The following SLC51A variants were observed in gnomAD, a reference collection of about 807,000 sequenced individuals.
The protein encoded by SLC51A is organic solute transporter subunit alpha.
SLC51A carries 22 observed loss-of-function variants against 34.8 expected under a neutral mutation model. The ratio of observed to expected loss-of-function variants is 0.63; its 90% CI spans 0.45 to 0.90. SLC51A has a LOEUF of 0.90. Among genes scored for constraint, SLC51A ranks in the 40% least tolerant of loss-of-function variants. The pLI is 0.00. For missense variants in SLC51A, 371 were observed against 414.8 expected, an observed-to-expected ratio of 0.89 and a Z score of 0.92; for synonymous variants, 181 against 176.3, an observed-to-expected ratio of 1.03 and a Z score of -0.21.
intron 8 of SLC51A, 153 bp from the exon 9 acceptor site, chr3:196,232,910 C>T: frequency 1.3e-6 from 1 of 778,916 alleles, no homozygotes; most frequent in Non-Finnish European, 2.1e-6. Flanking sequence ...TACCATTAAC[C>T]CGCTGTGTTA....
intron 2 of SLC51A, among the ~76,000 whole-genome samples, chr3:196,220,521 C>T (rs765678038): frequency 4.6e-5 from 7 of 151,538 alleles, no homozygotes; most frequent in Non-Finnish European, 8.8e-5. Context: ...CGCTTGAACC[C>T]GGGAGGCAGA....
At chr3:196,227,556 C>T (rs367603245) in intron 3 of SLC51A, 108 bp from the exon 4 acceptor site, 17 of 912,666 alleles carry the variant, frequency 1.9e-5, no homozygotes, top group African/African-American at 1.5e-4. Context: ...GTTTAAGGAA[C>T]GCTGCCTCGA....
chr3:196,231,156 T>C (rs1261598687), intron 7 of SLC51A, among the ~76,000 whole-genome samples: 2 of 152,224 alleles, frequency 1.3e-5, no homozygotes, highest in African/African-American at 2.4e-5. Flanking sequence ...TTTCCCATTT[T>C]ACAAAGGAAG....
intron 2 of SLC51A, among the ~76,000 whole-genome samples, 196 bp downstream of exon 2, chr3:196,218,132 G>C (rs1472318754): frequency 6.6e-6 from 1 of 152,222 alleles, no homozygotes; most frequent in East Asian, 1.9e-4. Flanking sequence ...GGTAGCATGA[G>C]AGCCTGGCTC....
chr3:196,222,989 C>T (rs980584735), intron 2 of SLC51A, among the ~76,000 whole-genome samples: 2 of 151,806 alleles, frequency 1.3e-5, no homozygotes, highest in Non-Finnish European at 2.9e-5. Flanking sequence ...TTGTGTTGAA[C>T]AGTCAGAATC....
At chr3:196,231,159 A>G (rs1724021670) in intron 7 of SLC51A, among the ~76,000 whole-genome samples, 1 of 152,082 alleles carries the variant, frequency 6.6e-6, no homozygotes, top group Admixed American at 6.5e-5. Flanking sequence ...CCCATTTTAC[A>G]AAGGAAGAAA....
In SLC51A at chr3:196,216,896, T is replaced by TCAGGGA. The variant is rs200076878; in HGVS notation, c.38+149_38+154dup. Reference sequence around the variant, plus strand: ...AAATGCTCTAGCTGTTCCTAGGTCCTCAGGGACAACGTGGGTTTGGGCCAG... The same window carrying TCAGGGA: ...AAATGCTCTAGCTGTTCCTAGGTCCTCAGGGACAGGGACAACGTGGGTTTGGGCCAG... On this transcript the variant is annotated intron_variant, in intron 1 of 8. Coordinates refer to ENST00000296327, the MANE Select transcript of SLC51A (RefSeq NM_152672.6). This position sits in a 1 kb window ranked among gnomAD's most constrained non-coding sequence, Gnocchi z 4.5. 2.1e-3 allele frequency: 1,979 copies of TCAGGGA among 928,630 alleles called. 36 individuals are homozygous for TCAGGGA. The African/African-American group carries it at 0.03, about 14-fold the overall frequency. 57.5% of individuals were successfully genotyped at this position (928,630 alleles called of 1,614,324 possible). A position where few individuals can be genotyped will look rare whatever the true frequency, so the allele number is the denominator to read the frequency against.
intron 2 of SLC51A, among the ~76,000 whole-genome samples, chr3:196,221,951 C>A (rs1446578912): frequency 6.6e-6 from 1 of 151,942 alleles, no homozygotes; most frequent in Non-Finnish European, 1.5e-5. Flanking sequence ...ATCTCCTGAC[C>A]TCGTGATCCG....
chr3:196,217,357 G>A (rs1417925742), intron 1 of SLC51A, among the ~76,000 whole-genome samples: 2 of 152,256 alleles, frequency 1.3e-5, no homozygotes, highest in South Asian at 2.1e-4. Flanking sequence ...GCAACATGGC[G>A]AAATCCTGTC....
Position 196,216,542 on chromosome 3 carries a change from A to C in SLC51A, c.-171A>C. 2.8e-6 allele frequency: 2 copies of C among 726,746 alleles called. No homozygotes were observed. Among genetic ancestry groups the C allele is most frequent in the Non-Finnish European group, 4.8e-6 (2 of 413,530 alleles). The allele number at this position is 726,746 out of a possible 1,614,324, so 45.0% of individuals were successfully genotyped here. ...CCTCCGGGGTGAACTCTGAGATAGAAAGTTGGCCCGGGAAGCTCAAGGAGG... is the reference window on the plus strand; with the variant it reads ...CCTCCGGGGTGAACTCTGAGATAGACAGTTGGCCCGGGAAGCTCAAGGAGG... On this transcript the variant is annotated 5_prime_UTR_variant, in exon 1 of 9. Coordinates refer to ENST00000296327, the MANE Select transcript of SLC51A (RefSeq NM_152672.6). This position sits in a 1 kb window ranked among gnomAD's most constrained non-coding sequence, Gnocchi z 4.5.
chr3:196,228,989 C>A lies in SLC51A; in HGVS notation c.633+69C>A. The A allele has an allele frequency of 7.9e-7, 1 of 1,268,432 alleles. No individual in the cohort carries two copies. The highest frequency in any genetic ancestry group is 1.2e-6 in the Non-Finnish European group (1 of 866,270). 78.6% of individuals were successfully genotyped at this position (1,268,432 alleles called of 1,614,324 possible). A position where few individuals can be genotyped will look rare whatever the true frequency, so the allele number is the denominator to read the frequency against. On this transcript the variant is annotated intron_variant, in intron 6 of 8. Coordinates refer to ENST00000296327, the MANE Select transcript of SLC51A (RefSeq NM_152672.6). The surrounding 1 kb of genome is among the most constrained non-coding windows in gnomAD (Gnocchi z 4.9). ...TACCTTTGTGTTCTAAAAGGAATCACCAGAGCCAACACCCCTTGACAGAGG... is the reference window on the plus strand; with the variant it reads ...TACCTTTGTGTTCTAAAAGGAATCAACAGAGCCAACACCCCTTGACAGAGG...
intron 6 of SLC51A, among the ~76,000 whole-genome samples, chr3:196,229,596 T>C (rs1723982827): frequency 6.6e-6 from 1 of 150,832 alleles, no homozygotes; most frequent in Non-Finnish European, 1.5e-5. Flanking sequence ...AGGCTGGTCT[T>C]GAACACCTGA....
chr3:196,226,796 GA>G (rs1193539822), intron 2 of SLC51A, among the ~76,000 whole-genome samples, 168 bp from the exon 3 acceptor site: 2,246 of 111,640 alleles, frequency 0.02, 70 homozygotes, highest in African/African-American at 0.06. Flanking sequence ...AAAAGAAAAA[GA>G]AAAAAAAAAG....
chr3:196,222,590 G>A (rs1318528346), intron 2 of SLC51A, among the ~76,000 whole-genome samples: 1 of 150,688 alleles, frequency 6.6e-6, no homozygotes, highest in Non-Finnish European at 1.5e-5. Flanking sequence ...AGCCGAGATC[G>A]CGCCACTGCA....
chr3:196,230,088 T>C (rs551892002), intron 7 of SLC51A, 27 bp downstream of exon 7: 11 of 1,584,446 alleles, frequency 6.9e-6, no homozygotes, highest in South Asian at 6.9e-5. Context: ...AGAGAAAAGA[T>C]GTTTCATAAC....
intron 8 of SLC51A, 188 bp from the exon 9 acceptor site, chr3:196,232,875 G>C: frequency 1.6e-6 from 1 of 634,814 alleles, no homozygotes; most frequent in Non-Finnish European, 2.8e-6. Flanking sequence ...CACAGAAGTA[G>C]ACAGCCAACT....
rs117945589 is a variant in SLC51A, at chr3:196,227,802, C to T, written c.362+65C>T. ...GCTCCCGCTCACCAGGACTCGAGTCCGTGTCCTTGATCCCAGCTGACCATG... is the reference window on the plus strand; with the variant it reads ...GCTCCCGCTCACCAGGACTCGAGTCTGTGTCCTTGATCCCAGCTGACCATG... On this transcript the variant is annotated intron_variant, in intron 4 of 8. Transcript: ENST00000296327. 1,533 of 1,455,396 alleles carry T rather than the reference C, an allele frequency of 1.1e-3. 28 individuals carry two copies. In the East Asian group the frequency reaches 0.03, roughly 29 times the overall value. The allele number at this position is 1,455,396 out of a possible 1,614,324, so 90.2% of individuals were successfully genotyped here. A position where few individuals can be genotyped will look rare whatever the true frequency, so the allele number is the denominator to read the frequency against.
chr3:196,218,995 G>A (rs745414642), intron 2 of SLC51A, among the ~76,000 whole-genome samples: 2 of 152,192 alleles, frequency 1.3e-5, no homozygotes, highest in Admixed American at 6.5e-5. Flanking sequence ...GGAGGCCGAG[G>A]CAGGTGGATC....
intron 3 of SLC51A, 68 bp downstream of exon 3, chr3:196,227,187 C>T (rs778778012): frequency 1.5e-6 from 2 of 1,292,008 alleles, no homozygotes; most frequent in Admixed American, 4.0e-5. Context: ...GAGAATTCCT[C>T]TAAACTCAGC....
Sources: gnomAD v4.1 joint callset for allele counts (sites outside exome capture counted in the v4.1 genomes callset) on GRCh38, gnomAD v4.1.1 for gene constraint, Gnocchi (gnomAD v3.1) non-coding constraint, MANE v1.5 for transcripts, NCBI Gene and HGNC (gene_info 2026-07-23, HGNC 2026-07-21) for gene names.